The following GUCY1A2 variants were observed in gnomAD, a reference collection of about 807,000 sequenced individuals.
GUCY1A2 encodes guanylate cyclase 1 soluble subunit alpha 2.
Under a neutral mutation model 63.5 loss-of-function variants are expected in GUCY1A2, and 27 were observed. The ratio of observed to expected loss-of-function variants is 0.43; its 90% CI spans 0.31 to 0.59. GUCY1A2 has a LOEUF of 0.59. GUCY1A2 is among the 20% of genes least tolerant of loss of function. The pLI, the probability that GUCY1A2 is intolerant of heterozygous loss-of-function variation, is 0.11. For missense variants in GUCY1A2, 768 were observed against 913.3 expected (o/e 0.84, Z 2.05); for synonymous variants, 364 against 343.5 (o/e 1.06, Z -0.66).
chr11:106,810,570 GT>G, intron 4 of GUCY1A2, 92 bp from the exon 5 acceptor site: 1 of 1,096,132 alleles, frequency 9.1e-7, no homozygotes. Context: ...AAGAAAAAAT[GT>G]TTTATTAGCA....
chr11:106,963,951 C>A (rs1446815160), intron 3 of GUCY1A2, among the ~76,000 whole-genome samples: 2 of 151,916 alleles, frequency 1.3e-5, no homozygotes, highest in Non-Finnish European at 2.9e-5. Flanking sequence ...TATAAAAATT[C>A]TCATATTCAT....
At chr11:106,950,974 G>T (rs1176706500) in intron 3 of GUCY1A2, among the ~76,000 whole-genome samples, 1 of 152,104 alleles carries the variant, frequency 6.6e-6, no homozygotes, top group African/African-American at 2.4e-5. Context: ...TCCCACTTAT[G>T]AGTGAGAACA....
chr11:106,731,678 T>G (rs1863508899), intron 6 of GUCY1A2, among the ~76,000 whole-genome samples: 1 of 152,130 alleles, frequency 6.6e-6, no homozygotes, highest in Admixed American at 6.6e-5. Context: ...GATAAACAAC[T>G]TCAGCAAAGT....
At chr11:106,800,008 T>C (rs1397007895) in intron 5 of GUCY1A2, among the ~76,000 whole-genome samples, 1 of 152,160 alleles carries the variant, frequency 6.6e-6, no homozygotes. Context: ...AAAGGGCTAA[T>C]ATCCAGAATC....
intron 3 of GUCY1A2, among the ~76,000 whole-genome samples, chr11:106,962,808 T>C (rs2120068008): frequency 6.7e-6 from 1 of 149,800 alleles, no homozygotes; most frequent in African/African-American, 2.4e-5. Flanking sequence ...TATACACATA[T>C]ATGTATAATC....
At chr11:106,781,788 G>A (rs373993989) in intron 5 of GUCY1A2, among the ~76,000 whole-genome samples, 6 of 150,498 alleles carry the variant, frequency 4.0e-5, no homozygotes, top group African/African-American at 9.8e-5. Flanking sequence ...GGCTAGTCTC[G>A]AACTCCTGGG....
chr11:106,734,414 C>A (rs1051448603), intron 6 of GUCY1A2, among the ~76,000 whole-genome samples: 3 of 151,936 alleles, frequency 2.0e-5, no homozygotes, highest in African/African-American at 7.3e-5. Context: ...CTTTTATGTA[C>A]CCTTTTACAA....
intron 6 of GUCY1A2, among the ~76,000 whole-genome samples, chr11:106,741,109 A>G (rs1863687466): frequency 6.6e-6 from 1 of 152,204 alleles, no homozygotes. Context: ...AGATGTACAC[A>G]ATTTCAAAAT....
At chr11:106,721,711 G>A (rs1863320046) in intron 6 of GUCY1A2, among the ~76,000 whole-genome samples, 3 of 152,242 alleles carry the variant, frequency 2.0e-5, no homozygotes, top group South Asian at 2.1e-4. Context: ...TTATGAAAAC[G>A]AAATCAACCT....
At chr11:106,837,149 A>C (rs1036063672) in intron 4 of GUCY1A2, among the ~76,000 whole-genome samples, 1 of 151,746 alleles carries the variant, frequency 6.6e-6, no homozygotes, top group Non-Finnish European at 1.5e-5. Context: ...CCACCTCCCA[A>C]CCTGCACACT....
At chr11:106,757,677 G>T (rs746220457) in intron 6 of GUCY1A2, among the ~76,000 whole-genome samples, 1 of 152,146 alleles carries the variant, frequency 6.6e-6, no homozygotes, top group African/African-American at 2.4e-5. Context: ...TATCACCAGC[G>T]GAGGCTGCAG....
At chr11:106,702,736 C>A (rs1862838335) in intron 7 of GUCY1A2, among the ~76,000 whole-genome samples, 1 of 151,198 alleles carries the variant, frequency 6.6e-6, no homozygotes, top group Admixed American at 6.6e-5. Flanking sequence ...GACAAGTATG[C>A]AGAAGTAAGA....
intron 4 of GUCY1A2, among the ~76,000 whole-genome samples, chr11:106,893,458 T>C (rs1190000753): frequency 1.3e-5 from 1 of 78,546 alleles, no homozygotes; most frequent in Non-Finnish European, 3.0e-5. Flanking sequence ...CTGTCACACA[T>C]AGGCCAAATA....
intron 4 of GUCY1A2, among the ~76,000 whole-genome samples, chr11:106,828,373 AT>A (rs1859005661): frequency 6.6e-6 from 1 of 151,656 alleles, no homozygotes; most frequent in Non-Finnish European, 1.5e-5. Context: ...TTGATTTTTG[AT>A]TATGATGAGA....
intron 5 of GUCY1A2, among the ~76,000 whole-genome samples, chr11:106,784,643 C>A (rs1196156535): frequency 6.6e-6 from 1 of 152,090 alleles, no homozygotes; most frequent in Non-Finnish European, 1.5e-5. Flanking sequence ...TTATCCTTCC[C>A]CATAAATGTG....
At chr11:106,927,304 C>T (rs1281946110) in intron 4 of GUCY1A2, among the ~76,000 whole-genome samples, 5 of 151,158 alleles carry the variant, frequency 3.3e-5, no homozygotes, top group Non-Finnish European at 7.4e-5. Flanking sequence ...ACCCGGGGGG[C>T]GGAGCTTGCA....
intron 1 of GUCY1A2, among the ~76,000 whole-genome samples, chr11:107,000,786 A>AGG (rs1230689988): frequency 6.6e-6 from 1 of 152,210 alleles, no homozygotes; most frequent in Non-Finnish European, 1.5e-5. Context: ...CTTTTTAGAA[A>AGG]ATAACAAACT....
At chr11:106,842,252 C>T (rs1322537195) in intron 4 of GUCY1A2, among the ~76,000 whole-genome samples, 4 of 151,890 alleles carry the variant, frequency 2.6e-5, no homozygotes, top group African/African-American at 9.7e-5. Context: ...TAGTGGTTCC[C>T]ACCATTGCTA....
At chr11:106,964,063 A>C (rs570403512) in intron 3 of GUCY1A2, among the ~76,000 whole-genome samples, 275 of 152,096 alleles carry the variant, frequency 1.8e-3, no homozygotes, top group South Asian at 0.011. Context: ...GTATACACAC[A>C]CACACACCCA....
Sources: allele counts gnomAD v4.1 joint callset (sites outside exome capture counted in the v4.1 genomes callset), GRCh38; gene constraint gnomAD v4.1.1; transcripts MANE v1.5; gene names NCBI Gene and HGNC (gene_info 2026-07-23, HGNC 2026-07-21).